Variants in MYRIP observed in about 807,000 individuals in gnomAD.
MYRIP encodes rab effector MyRIP.
MYRIP carries 49 observed loss-of-function variants against 98.0 expected under a neutral mutation model. That is an observed-to-expected ratio of 0.50 (90% CI 0.40 to 0.63). The LOEUF (loss-of-function observed/expected upper bound fraction) is 0.63, where lower values mean the gene tolerates loss of function less well. Ranked by LOEUF, MYRIP falls within the 30% of genes least tolerant of loss-of-function variation. MYRIP has a pLI of 0.00. For missense variants in MYRIP, 1,004 were observed against 1,058.2 expected (o/e 0.95, Z 0.71); for synonymous variants, 404 against 409.5 (o/e 0.99, Z 0.16).
At chr3:39,842,293 G>A (rs1941827386) in intron 1 of MYRIP, among the ~76,000 whole-genome samples, 1 of 152,104 alleles carries the variant, frequency 6.6e-6, no homozygotes, top group South Asian at 2.1e-4. Flanking sequence ...CCTCAGTAAT[G>A]GCTGATGCCC....
At chr3:40,099,587 C>T (rs1948902247) in intron 3 of MYRIP, among the ~76,000 whole-genome samples, 1 of 152,204 alleles carries the variant, frequency 6.6e-6, no homozygotes, top group African/African-American at 2.4e-5. Context: ...TATATATACA[C>T]ACACTCTCGT....
intron 3 of MYRIP, among the ~76,000 whole-genome samples, chr3:40,106,768 A>G (rs2125897534): frequency 6.6e-6 from 1 of 152,090 alleles, no homozygotes; most frequent in Non-Finnish European, 1.5e-5. Flanking sequence ...TAAATTATGT[A>G]TTATTCCTTT....
In MYRIP at chr3:40,097,729, C is replaced by T. The variant is rs142851141; in HGVS notation, c.333-53319C>T. Among the ~76,000 whole-genome samples, 1,108 of 152,288 alleles carry T rather than the reference C, an allele frequency of 7.3e-3. 12 individuals are homozygous for T. Among genetic ancestry groups the T allele is most frequent in the African/African-American group, 0.025 (1,028 of 41,560 alleles). On this transcript the variant is annotated intron_variant, in intron 3 of 16. Transcript: ENST00000302541. ...TGTCCCACGGGATGGTACCAGAGCT[C>T]AGAGCCTCCTGTGTCTCTGTAGACA...
Position 40,151,108 on chromosome 3 carries a change from C to T in MYRIP, c.393C>T (p.Arg131=), listed in dbSNP as rs575234250. ...FYNNVKSRFK[R]FGSAKVLKNL... Reference sequence around the variant, plus strand: ...ATAATGTGAAGAGCCGCTTCAAGCGCTTTGGCAGTGCCAAGGTTCTGAAGA... The same window carrying T: ...ATAATGTGAAGAGCCGCTTCAAGCGTTTTGGCAGTGCCAAGGTTCTGAAGA... The change falls in exon 4 of 17, where the codon CGC becomes CGT. Residue 131 remains arginine, a synonymous_variant. Coordinates refer to ENST00000302541, the MANE Select transcript of MYRIP (RefSeq NM_015460.4). 5.0e-6 allele frequency: 8 copies of T among 1,611,010 alleles called. 1 individual carries two copies. The African/African-American group carries it at 9.3e-5, about 19-fold the overall frequency.
rs1459674232 is a variant in MYRIP at position 40,212,239 on chromosome 3, C to T, written c.1905+2146C>T. Among the ~76,000 whole-genome samples the T allele has an allele frequency of 4.1e-3, 186 of 45,674 alleles. 55 individuals are homozygous for T. The highest frequency in any genetic ancestry group is 9.3e-3 in the Middle Eastern group (1 of 108). The allele number at this position is 45,674 out of a possible 152,430, so 30.0% of individuals were successfully genotyped here. On this transcript the variant is annotated intron_variant, in intron 11 of 16. Coordinates refer to ENST00000302541, the MANE Select transcript of MYRIP (RefSeq NM_015460.4). ...ATATATATATATACACACACACACA[C>T]ACACACATATATATATATACACGTA...
intron 3 of MYRIP, among the ~76,000 whole-genome samples, chr3:40,092,075 AGT>A (rs921900325): frequency 9.9e-5 from 15 of 152,278 alleles, no homozygotes; most frequent in Admixed American, 7.8e-4. Context: ...TCTCTTGTGC[AGT>A]GTGTGTTTAC....
chr3:39,935,403 G>T (rs531044853), intron 2 of MYRIP, among the ~76,000 whole-genome samples: 1 of 152,112 alleles, frequency 6.6e-6, no homozygotes, highest in Non-Finnish European at 1.5e-5. Flanking sequence ...AACTGGGTGG[G>T]TTATCAAAAT....
chr3:40,113,841 C>G (rs558550889), intron 3 of MYRIP, among the ~76,000 whole-genome samples: 2 of 152,230 alleles, frequency 1.3e-5, no homozygotes, highest in East Asian at 1.9e-4. Context: ...AGGCGCCCAC[C>G]ACCACGCCCA....
At chr3:39,911,768 T>G (rs1426972301) in intron 2 of MYRIP, among the ~76,000 whole-genome samples, 1 of 152,226 alleles carries the variant, frequency 6.6e-6, no homozygotes, top group Non-Finnish European at 1.5e-5. Context: ...TTCCTCTCTC[T>G]GTGCTGTGCT....
intron 4 of MYRIP, among the ~76,000 whole-genome samples, chr3:40,157,284 T>A (rs1298456545): frequency 7.0e-6 from 1 of 143,538 alleles, no homozygotes; most frequent in African/African-American, 2.6e-5. Flanking sequence ...TCTGTTTATA[T>A]GCTGGATTAC....
At chr3:39,820,244 A>G (rs4339052) in intron 1 of MYRIP, among the ~76,000 whole-genome samples, 12,711 of 152,252 alleles carry the variant, frequency 0.083, 580 homozygotes, top group African/African-American at 0.12. Context: ...GTCCTGTGAT[A>G]TGGTTCCCTC....
intron 11 of MYRIP, among the ~76,000 whole-genome samples, chr3:40,233,485 C>A (rs1952723283): frequency 6.6e-6 from 1 of 152,146 alleles, no homozygotes; most frequent in African/African-American, 2.4e-5. Context: ...ACCCACTGGA[C>A]CACACTTCAG....
intron 2 of MYRIP, among the ~76,000 whole-genome samples, chr3:39,929,609 T>C (rs1168970622): frequency 1.3e-5 from 2 of 152,020 alleles, no homozygotes; most frequent in East Asian, 3.9e-4. Context: ...TGAACTATAA[T>C]TTACATAGCA....
chr3:39,923,898 A>G (rs1222348192), intron 2 of MYRIP, among the ~76,000 whole-genome samples: 1 of 152,106 alleles, frequency 6.6e-6, no homozygotes, highest in South Asian at 2.1e-4. Context: ...CTTCACTTGA[A>G]CTGGTAAAAT....
intron 3 of MYRIP, among the ~76,000 whole-genome samples, chr3:40,136,999 CA>C (rs1160294082): frequency 6.6e-6 from 1 of 152,094 alleles, no homozygotes; most frequent in Non-Finnish European, 1.5e-5. Flanking sequence ...CAAACACATT[CA>C]AAAGCTAGCA....
intron 5 of MYRIP, 130 bp from the exon 6 acceptor site, chr3:40,166,716 C>T: frequency 1.6e-6 from 1 of 641,122 alleles, no homozygotes; most frequent in Non-Finnish European, 2.8e-6. Context: ...AGGGCGAGGG[C>T]TTTGTGTGCC....
chr3:40,069,802 C>A (rs1948188989), intron 3 of MYRIP, among the ~76,000 whole-genome samples: 1 of 152,172 alleles, frequency 6.6e-6, no homozygotes, highest in Admixed American at 6.5e-5. Context: ...CAGAATGAAA[C>A]TCCCATATGC....
At chr3:39,825,699 G>T (rs990477482) in intron 1 of MYRIP, among the ~76,000 whole-genome samples, 3 of 152,154 alleles carry the variant, frequency 2.0e-5, no homozygotes, top group African/African-American at 2.4e-5. Context: ...CTGGCAAAAT[G>T]AGTTAGAAAG....
intron 2 of MYRIP, among the ~76,000 whole-genome samples, chr3:39,974,788 A>G (rs1008046050): frequency 1.4e-4 from 22 of 152,362 alleles, no homozygotes; most frequent in African/African-American, 4.8e-4. Context: ...AACAGAACCA[A>G]TGATAAAAAC....
Sources: allele counts gnomAD v4.1 joint callset (sites outside exome capture counted in the v4.1 genomes callset), GRCh38; gene constraint gnomAD v4.1.1; transcripts MANE v1.5; gene names NCBI Gene and HGNC (gene_info 2026-07-23, HGNC 2026-07-21).